Variants in CTAGE1 observed in about 807,000 individuals in gnomAD.
The protein encoded by CTAGE1 is cTAGE family member 2.
For synonymous variants in CTAGE1, 332 were observed against 302.8 expected, an observed-to-expected ratio of 1.10 and a Z score of -1.00; for missense variants, 963 against 855.9, an observed-to-expected ratio of 1.13 and a Z score of -1.56.
chr18:22,417,316 T>C lies in CTAGE1; in HGVS notation c.496A>G (p.Arg166Gly). ...QVAEAKMTFK[R>G]FQANEERLEI... Reference sequence around the variant, plus strand: ...AACCGTTCTTCATTCGCTTGAAATCTCTTGAAGGTCATTTTGGCTTCAGCT... The same window carrying C: ...AACCGTTCTTCATTCGCTTGAAATCCCTTGAAGGTCATTTTGGCTTCAGCT... Residue 166 changes from arginine to glycine, a missense_variant, in exon 1 of 1, where the codon AGA becomes GGA. Arg to Gly is a moderately radical substitution (Grantham distance 125). Transcript: ENST00000391403. 6.2e-7 allele frequency: 1 copy of C among 1,614,000 alleles called. No homozygotes were observed. The highest frequency in any genetic ancestry group is 8.5e-7 in the Non-Finnish European group (1 of 1,179,866).
chr18:22,415,182 C>T lies in CTAGE1; in HGVS notation c.*392G>A. The T allele has an allele frequency of 4.6e-6, 1 of 219,534 alleles. No individual in the cohort carries two copies. The highest frequency in any genetic ancestry group is 8.9e-6 in the Non-Finnish European group (1 of 112,920). The allele number at this position is 219,534 out of a possible 1,614,324, so 13.6% of individuals were successfully genotyped here. A position where few individuals can be genotyped will look rare whatever the true frequency, so the allele number is the denominator to read the frequency against. On this transcript the variant is annotated 3_prime_UTR_variant, in exon 1 of 1. Transcript: ENST00000391403. ...CATTTGTCTACAACCACAGTAAATA[C>T]AGTTCTTGACATAAAGACAATTTAA...
chr18:22,415,882 C>T lies in CTAGE1; in HGVS notation c.1930G>A (p.Val644Met), dbSNP rs1225348348. ...TCAGCGGGGAGAGATGAATCAGGCA[C>T]CTTTAAATTACCAAGATTATCTTTG... The part of the protein sequence containing the change: ...DTKDNLGNLK[V>M]PDSSLPAENE... The change falls in exon 1 of 1, where the codon GTG becomes ATG. Residue 644 changes from valine to methionine, a missense_variant. Coordinates refer to ENST00000391403, the MANE Select transcript of CTAGE1 (RefSeq NM_172241.3). The T allele has an allele frequency of 2.5e-6, 4 of 1,613,766 alleles. No homozygotes were observed. The African/African-American group carries it at 5.3e-5, about 22-fold the overall frequency.
rs749511114 is a variant in CTAGE1, at chr18:22,416,026, A to G, written c.1786T>C (p.Phe596Leu). 6.2e-7 allele frequency: 1 copy of G among 1,613,968 alleles called. No individual in the cohort carries two copies. Among genetic ancestry groups the G allele is most frequent in the South Asian group, 1.1e-5 (1 of 91,070 alleles). ...GAGAGTCTAGCACAATTAGAATAAA[A>G]TCTGTCTTGCCTTTGTGGAGGGAGA... ...SALPPQRQDRFYSNCARLSGP... is the reference protein window; with the variant it reads ...SALPPQRQDRLYSNCARLSGP... The change falls in exon 1 of 1, where the codon TTT becomes CTT. Residue 596 changes from phenylalanine to leucine, a missense_variant. Transcript: ENST00000391403.
Position 22,416,214 on chromosome 18 carries a change from T to G in CTAGE1, c.1598A>C (p.Asn533Thr), listed in dbSNP as rs1255616775. 2 of 1,613,922 alleles carry G rather than the reference T, an allele frequency of 1.2e-6. No homozygotes were observed. Among genetic ancestry groups the G allele is most frequent in the Non-Finnish European group, 1.7e-6 (2 of 1,179,864 alleles). ...GGGRGSRGPG[N>T]PPDHQITKER... ...TTTGGTAATCTGATGGTCCGGAGGA[T>G]TCCCTGGGCCTCTGGAGCCTCTTCC... is the stretch of plus-strand genomic sequence containing the variant. The change falls in exon 1 of 1, where the codon AAT (asparagine) becomes ACT (threonine). Residue 533 changes from asparagine (N) to threonine (T), a missense_variant. By Grantham distance (65) the Asn-to-Thr change is moderately conservative. Coordinates refer to ENST00000391403, the MANE Select transcript of CTAGE1 (RefSeq NM_172241.3).
In CTAGE1 at chr18:22,414,592, C is replaced by T. The variant is rs1483922324; in HGVS notation, c.*982G>A. 1.2e-5 allele frequency: 8 copies of T among 678,584 alleles called. No homozygotes were observed. Among genetic ancestry groups the T allele is most frequent in the Admixed American group, 4.4e-5 (2 of 45,646 alleles). 42.0% of individuals were successfully genotyped at this position (678,584 alleles called of 1,614,324 possible). ...TTTAACAGAATTCCAGAGAAGAGAG[C>T]TCAATCAGAGATCAAATTCACCAAC... On this transcript the variant is annotated 3_prime_UTR_variant, in exon 1 of 1. Transcript: ENST00000391403.
Position 22,417,060 on chromosome 18 carries a change from A to G in CTAGE1, c.752T>C (p.Leu251Pro), listed in dbSNP as rs372541674. 3.7e-6 allele frequency: 6 copies of G among 1,613,974 alleles called. No homozygotes were observed. Among genetic ancestry groups the G allele is most frequent in the South Asian group, 2.2e-5 (2 of 91,068 alleles). ...LLKMKDGVAMLEEDVTDDDNL... is the reference protein window; with the variant it reads ...LLKMKDGVAMPEEDVTDDDNL... ...ATCATCATCCGTTACATCTTCTTCA[A>G]GCATAGCAACCCCATCTTTCATCTT... The change falls in exon 1 of 1, where the codon CTT becomes CCT. Residue 251 changes from leucine to proline, a missense_variant. Leu to Pro is a moderately conservative substitution (Grantham distance 98, BLOSUM62 -3). Coordinates refer to ENST00000391403, the MANE Select transcript of CTAGE1 (RefSeq NM_172241.3).
rs184265318 is a variant in CTAGE1 at position 22,415,812 on chromosome 18, G to A, written c.2000C>T (p.Pro667Leu). The change falls in exon 1 of 1, where the codon CCA (proline) becomes CTA (leucine). Residue 667 changes from proline to leucine, a missense_variant. Coordinates refer to ENST00000391403, the MANE Select transcript of CTAGE1 (RefSeq NM_172241.3). ...GPGFVPPPLA[P>L]IRGLLFPVDT... is the part of the protein sequence containing the mutation. ...TACTGGAAACAATAAACCTCTGATT[G>A]GAGCAAGAGGTGGAGGAACAAAGCC... The A allele has an allele frequency of 6.2e-3, 10,071 of 1,613,888 alleles. 1,034 individuals are homozygous for A. The Admixed American group carries it at 0.16, about 25-fold the overall frequency.
chr18:22,416,990 G>C lies in CTAGE1; in HGVS notation c.822C>G (p.Tyr274Ter), dbSNP rs1472253935. ...EMNSESEDGA[Y>*]LDNPPKGALK... ...AAGCTCCTTTTGGAGGATTATCTAA[G>C]TAAGCACCATCTTCCGATTCACTGT... The change falls in exon 1 of 1, where the codon TAC becomes TAG. Residue 274 changes from tyrosine to a stop codon, truncating the protein, a stop_gained. Transcript: ENST00000391403. LOFTEE classifies it low-confidence loss of function (END_TRUNC). 6.2e-7 allele frequency: 1 copy of C among 1,613,864 alleles called. No homozygotes were observed. The highest frequency in any genetic ancestry group is 2.2e-5 in the East Asian group (1 of 44,882).
Position 22,417,363 on chromosome 18 carries a change from G to A in CTAGE1, c.449C>T (p.Ser150Leu), listed in dbSNP as rs1321275621. The A allele has an allele frequency of 4.7e-5, 76 of 1,613,854 alleles. No homozygotes were observed. Among genetic ancestry groups the A allele is most frequent in the Non-Finnish European group, 6.2e-5 (73 of 1,179,858 alleles). The change falls in exon 1 of 1, where the codon TCA becomes TTA. Residue 150 changes from serine (S) to leucine (L), a missense_variant. Coordinates refer to ENST00000391403, the MANE Select transcript of CTAGE1 (RefSeq NM_172241.3). ...SKRIQSLEDESKSLKSQVAEA... is the reference protein window; with the variant it reads ...SKRIQSLEDELKSLKSQVAEA... ...AGCTACTTGTGATTTGAGGGATTTTGACTCATCTTCTAGCGACTGTATCCT... is the reference window on the plus strand; with the variant it reads ...AGCTACTTGTGATTTGAGGGATTTTAACTCATCTTCTAGCGACTGTATCCT...
chr18:22,415,922 G>A lies in CTAGE1; in HGVS notation c.1890C>T (p.Ser630=), dbSNP rs2035006902. ...MDGSMPSEME[S]SRNDTKDNLG... The stretch of plus-strand genomic sequence containing the variant: ...GATTATCTTTGGTATCATTTCTACT[G>A]GATTCCATTTCTGAAGGCATTGACC... The change falls in exon 1 of 1, where the codon TCC becomes TCT. Residue 630 remains serine (S), a synonymous_variant. Transcript: ENST00000391403. 1 of 1,613,730 alleles carries A rather than the reference G, an allele frequency of 6.2e-7. No individual in the cohort carries two copies. The highest frequency in any genetic ancestry group is 8.5e-7 in the Non-Finnish European group (1 of 1,179,840).
At position 22,415,988 on chromosome 18, in the gene CTAGE1, T is replaced by C. The variant is rs541453092; in HGVS notation, c.1824A>G (p.Glu608=). 3.7e-5 allele frequency: 59 copies of C among 1,613,974 alleles called. No homozygotes were observed. Among genetic ancestry groups the C allele is most frequent in the East Asian group, 2.2e-5 (1 of 44,882 alleles). Residue 608 remains glutamate, a synonymous_variant, in exon 1 of 1, where the codon GAA becomes GAG. Transcript: ENST00000391403. ...SNCARLSGPA[E]LRSFNMPSLD... ...AAGAAGGCATATTAAAACTTCTGAG[T>C]TCTGCTGGTCCAGAGAGTCTAGCAC...
In CTAGE1 at chr18:22,417,884, C is replaced by G. The variant is rs1907132692; in HGVS notation, c.-73G>C. ...GCCCCAGGTATGGCTGAGGGTTAGC[C>G]CTAGGCTCCTCCGTAGCGCCAAGGC... On this transcript the variant is annotated 5_prime_UTR_variant, in exon 1 of 1. Transcript: ENST00000391403. 1 of 1,473,658 alleles carries G rather than the reference C, an allele frequency of 6.8e-7. No individual in the cohort carries two copies. The highest frequency in any genetic ancestry group is 2.3e-5 in the East Asian group (1 of 44,126). 91.3% of individuals were successfully genotyped at this position (1,473,658 alleles called of 1,614,324 possible). A position where few individuals can be genotyped will look rare whatever the true frequency, so the allele number is the denominator to read the frequency against.
chr18:22,414,726 A>T lies in CTAGE1; in HGVS notation c.*848T>A. 1.4e-6 allele frequency: 1 copy of T among 703,094 alleles called. No individual in the cohort carries two copies. The highest frequency in any genetic ancestry group is 2.6e-6 in the Non-Finnish European group (1 of 385,032). The allele number at this position is 703,094 out of a possible 1,614,324, so 43.6% of individuals were successfully genotyped here. ...CACCAACAGAGGTAAAGGTTGGGAA[A>T]GAAGTCAGGAGAAACTGATCTATAT... On this transcript the variant is annotated 3_prime_UTR_variant, in exon 1 of 1. Coordinates refer to ENST00000391403, the MANE Select transcript of CTAGE1 (RefSeq NM_172241.3).
rs1324192004 is a variant in CTAGE1, at chr18:22,416,264, G to C, written c.1548C>G (p.Leu516=). 1 of 1,613,858 alleles carries C rather than the reference G, an allele frequency of 6.2e-7. No individual in the cohort carries two copies. The highest frequency in any genetic ancestry group is 2.2e-5 in the East Asian group (1 of 44,888). ...CTCCTCCCCGTGGAAGCAAAGGTGA[G>C]AGTCTGAGAGGACCTTCCAACAAAG... ...PPTLLEGPLR[L]SPLLPRGGGR... The change falls in exon 1 of 1, where the codon CTC becomes CTG. Residue 516 remains leucine, a synonymous_variant. Coordinates refer to ENST00000391403, the MANE Select transcript of CTAGE1 (RefSeq NM_172241.3).
Position 22,417,302 on chromosome 18 carries a change from A to T in CTAGE1, c.510T>A (p.Asn170Lys), listed in dbSNP as rs767993073. The T allele has an allele frequency of 6.2e-7, 1 of 1,613,944 alleles. No individual in the cohort carries two copies. The highest frequency in any genetic ancestry group is 2.2e-5 in the East Asian group (1 of 44,866). ...AKMTFKRFQA[N>K]EERLEIEIQD... ...GTATTTCTATCTCCAACCGTTCTTC[A>T]TTCGCTTGAAATCTCTTGAAGGTCA... The change falls in exon 1 of 1, where the codon AAT (asparagine) becomes AAA (lysine). Residue 170 changes from asparagine (N) to lysine (K), a missense_variant. Asn to Lys is a moderately conservative substitution (Grantham distance 94, BLOSUM62 0). Transcript: ENST00000391403.
rs770695791 is a variant in CTAGE1, at chr18:22,416,108, C to G, written c.1704G>C (p.Trp568Cys). 1.9e-6 allele frequency: 3 copies of G among 1,613,932 alleles called. No homozygotes were observed. In the East Asian group the frequency reaches 6.7e-5, roughly 36 times the overall value. Residue 568 changes from tryptophan to cysteine, a missense_variant, in exon 1 of 1, where the codon TGG becomes TGC. Coordinates refer to ENST00000391403, the MANE Select transcript of CTAGE1 (RefSeq NM_172241.3). ...PSDAGPLAPP[W>C]EQDYRMMFPP... ...GAAACATCATCCTATAGTCCTGTTCCCACGGAGGTGCCAGGGGCCCAGCGT... is the reference window on the plus strand; with the variant it reads ...GAAACATCATCCTATAGTCCTGTTCGCACGGAGGTGCCAGGGGCCCAGCGT...
rs553017486 is a variant in CTAGE1 at position 22,415,970 on chromosome 18, C to T, written c.1842G>A (p.Met614Ile). The T allele has an allele frequency of 4.3e-4, 695 of 1,613,892 alleles. 5 individuals are homozygous for T. The South Asian group carries it at 6.8e-3, about 16-fold the overall frequency. Residue 614 changes from methionine to isoleucine, a missense_variant, in exon 1 of 1, where the codon ATG (methionine) becomes ATA (isoleucine). Met to Ile is a conservative substitution (Grantham distance 10). Coordinates refer to ENST00000391403, the MANE Select transcript of CTAGE1 (RefSeq NM_172241.3). ...SGPAELRSFN[M>I]PSLDKMDGSM... ...ACCCATCCATTTTATCCAAAGAAGG[C>T]ATATTAAAACTTCTGAGTTCTGCTG...
Position 22,414,570 on chromosome 18 carries a change from A to C in CTAGE1, c.*1004T>G. 1 of 647,920 alleles carries C rather than the reference A, an allele frequency of 1.5e-6. No homozygotes were observed. The highest frequency in any genetic ancestry group is 2.8e-6 in the Non-Finnish European group (1 of 362,750). 40.1% of individuals were successfully genotyped at this position (647,920 alleles called of 1,614,324 possible). ...GGGAACACGATACATTTCATCTTTT[A>C]ACAGAATTCCAGAGAAGAGAGCTCA... On this transcript the variant is annotated 3_prime_UTR_variant, in exon 1 of 1. Transcript: ENST00000391403.
Position 22,415,339 on chromosome 18 carries a change from T to G in CTAGE1, c.*235A>C. On this transcript the variant is annotated 3_prime_UTR_variant, in exon 1 of 1. Transcript: ENST00000391403. ...ATAATTTACTCATAAGATTCATATT[T>G]AAATCATCCTCATTTACAAAATACT... 2.1e-6 allele frequency: 1 copy of G among 465,824 alleles called. No individual in the cohort carries two copies. The highest frequency in any genetic ancestry group is 3.8e-5 in the Admixed American group (1 of 26,000). 28.9% of individuals were successfully genotyped at this position (465,824 alleles called of 1,614,324 possible).
Sources: gnomAD v4.1 joint callset for allele counts on GRCh38, gnomAD v4.1.1 for gene constraint, MANE v1.5 for transcripts, NCBI Gene and HGNC (gene_info 2026-07-23, HGNC 2026-07-21) for gene names.